Variants in ZNF704 observed in about 807,000 individuals in gnomAD.
ZNF704 encodes glucocorticoid induced gene 1.
In ZNF704, 10 loss-of-function variants were observed where a neutral mutation model predicts 44.7. That is an observed-to-expected ratio of 0.22 (90% CI 0.14 to 0.38). The LOEUF (loss-of-function observed/expected upper bound fraction) is 0.38, where lower values mean the gene tolerates loss of function less well. Among genes scored for constraint, ZNF704 ranks in the 10% least tolerant of loss-of-function variants. The pLI is 1.00. For missense variants in ZNF704, 390 were observed against 545.5 expected, an observed-to-expected ratio of 0.71 and a Z score of 2.84; for synonymous variants, 211 against 207.6, an observed-to-expected ratio of 1.02 and a Z score of -0.14.
At chr8:80,854,210 ATG>A (rs1485952563) in intron 1 of ZNF704, among the ~76,000 whole-genome samples, 1 of 152,242 alleles carries the variant, frequency 6.6e-6, no homozygotes, top group African/African-American at 2.4e-5. Context: ...TGCTGTCATG[ATG>A]TCCAAGGATA....
chr8:80,636,846 A>T lies in ZNF704; in HGVS notation c.*4520T>A, dbSNP rs982630262. The T allele has an allele frequency of 2.0e-5, 3 of 152,256 alleles. No homozygotes were observed. Among genetic ancestry groups the T allele is most frequent in the Non-Finnish European group, 4.4e-5 (3 of 68,046 alleles). The allele number at this position is 152,256 out of a possible 1,614,324, so 9.4% of individuals were successfully genotyped here. A position where few individuals can be genotyped will look rare whatever the true frequency, so the allele number is the denominator to read the frequency against. On this transcript the variant is annotated 3_prime_UTR_variant, in exon 9 of 9. Transcript: ENST00000327835. ...CATGAGAAAAAGCAGCACCTTGTCC[A>T]CAAAAGTCCATGGAAGTTTGTTCGC...
chr8:80,771,962 C>T (rs1807328302), intron 2 of ZNF704, among the ~76,000 whole-genome samples: 1 of 152,100 alleles, frequency 6.6e-6, no homozygotes, highest in African/African-American at 2.4e-5. Flanking sequence ...CTTCTTTAGC[C>T]TATTAATGTG....
intron 3 of ZNF704, among the ~76,000 whole-genome samples, chr8:80,691,197 C>G (rs1005549430): frequency 2.0e-5 from 3 of 152,184 alleles, no homozygotes. Flanking sequence ...TTTAACACCT[C>G]ATGCTTAAAA....
chr8:80,710,292 C>G (rs1818963983), intron 2 of ZNF704, among the ~76,000 whole-genome samples: 1 of 152,148 alleles, frequency 6.6e-6, no homozygotes, highest in African/African-American at 2.4e-5. Context: ...CATCATGCAG[C>G]ATTCCCTATT....
chr8:80,712,758 T>C (rs1204071096), intron 2 of ZNF704, among the ~76,000 whole-genome samples: 2 of 151,890 alleles, frequency 1.3e-5, no homozygotes, highest in African/African-American at 4.8e-5. Context: ...GATCGTGCCA[T>C]TGCACTCCAG....
At chr8:80,661,879 A>G (rs1818107432) in intron 6 of ZNF704, among the ~76,000 whole-genome samples, 1 of 152,182 alleles carries the variant, frequency 6.6e-6, no homozygotes, top group Admixed American at 6.5e-5. Context: ...GTTTGATAGC[A>G]GAGTAGGATG....
chr8:80,818,750 A>C (rs1230909572), intron 2 of ZNF704, among the ~76,000 whole-genome samples: 1 of 152,180 alleles, frequency 6.6e-6, no homozygotes, highest in Non-Finnish European at 1.5e-5. Context: ...CTCTAGATTT[A>C]CTCAAAGTTC....
rs572608096 is a variant in ZNF704 at position 80,853,753 on chromosome 8, G to A, written c.-22+20818C>T. Among the ~76,000 whole-genome samples the A allele has an allele frequency of 3.9e-5, 6 of 152,074 alleles. No homozygotes were observed. In the South Asian group the frequency reaches 6.2e-4, roughly 16 times the overall value. On this transcript the variant is annotated intron_variant, in intron 1 of 8. Transcript: ENST00000327835. The stretch of plus-strand genomic sequence containing the variant: ...CTATTCATTGAAACATTTATCAAGC[G>A]CTTACTCCTAAACAAGTATTTTTAT...
At chr8:80,826,860 A>G (rs1159834336) in intron 1 of ZNF704, among the ~76,000 whole-genome samples, 3 of 152,182 alleles carry the variant, frequency 2.0e-5, no homozygotes, top group Admixed American at 2.0e-4. Flanking sequence ...AAAGGCCTTT[A>G]ACAAAATTCA....
intron 5 of ZNF704, 116 bp from the exon 6 acceptor site, chr8:80,665,198 G>A (rs144287491): frequency 7.0e-5 from 81 of 1,159,568 alleles, no homozygotes; most frequent in Non-Finnish European, 9.5e-5. Context: ...TGTTTGCCTT[G>A]CAAACTCTTC....
At chr8:80,808,527 T>G (rs1317263276) in intron 2 of ZNF704, among the ~76,000 whole-genome samples, 1 of 152,212 alleles carries the variant, frequency 6.6e-6, no homozygotes, top group Non-Finnish European at 1.5e-5. Flanking sequence ...GAGAAACTTG[T>G]TAGTCCGGAA....
chr8:80,797,498 T>C (rs904944023), intron 2 of ZNF704, among the ~76,000 whole-genome samples: 6 of 150,646 alleles, frequency 4.0e-5, no homozygotes, highest in African/African-American at 1.5e-4. Context: ...TAACATCATA[T>C]GTATGCCTCC....
At chr8:80,744,722 A>C (rs550067672) in intron 2 of ZNF704, among the ~76,000 whole-genome samples, 4 of 152,206 alleles carry the variant, frequency 2.6e-5, no homozygotes, top group African/African-American at 9.6e-5. Flanking sequence ...AATGTGCTTA[A>C]CTAATGGACC....
At chr8:80,833,115 A>G (rs1808496569) in intron 1 of ZNF704, among the ~76,000 whole-genome samples, 1 of 152,246 alleles carries the variant, frequency 6.6e-6, no homozygotes, top group Non-Finnish European at 1.5e-5. Flanking sequence ...TGGGAGGTCA[A>G]GGCGGGTGGA....
At chr8:80,762,023 T>C (rs1166245760) in intron 2 of ZNF704, among the ~76,000 whole-genome samples, 1 of 152,226 alleles carries the variant, frequency 6.6e-6, no homozygotes, top group African/African-American at 2.4e-5. Flanking sequence ...CTTCATTTAC[T>C]GAGGAAGTTT....
chr8:80,871,278 C>A (rs1165209684), intron 1 of ZNF704, among the ~76,000 whole-genome samples: 1 of 152,192 alleles, frequency 6.6e-6, no homozygotes, highest in African/African-American at 2.4e-5. Context: ...GCCCACCAGG[C>A]TCTCTTTGCA....
intron 2 of ZNF704, among the ~76,000 whole-genome samples, chr8:80,739,865 G>A (rs903994200): frequency 6.6e-6 from 1 of 152,148 alleles, no homozygotes; most frequent in African/African-American, 2.4e-5. Context: ...ATCACTGGAA[G>A]GCCCACTGCC....
intron 2 of ZNF704, among the ~76,000 whole-genome samples, chr8:80,819,223 A>G (rs1255292734): frequency 1.3e-5 from 2 of 152,132 alleles, no homozygotes; most frequent in African/African-American, 4.8e-5. Context: ...GAACCTCACA[A>G]TAACACTGGC....
At chr8:80,652,528 T>C (rs1817940720) in intron 7 of ZNF704, among the ~76,000 whole-genome samples, 1 of 152,134 alleles carries the variant, frequency 6.6e-6, no homozygotes, top group South Asian at 2.1e-4. Flanking sequence ...CATCAGAGAA[T>C]ACTATAAACA....
Sources: gnomAD v4.1 joint callset for allele counts (sites outside exome capture counted in the v4.1 genomes callset) on GRCh38, gnomAD v4.1.1 for gene constraint, MANE v1.5 for transcripts, NCBI Gene and HGNC (gene_info 2026-07-23, HGNC 2026-07-21) for gene names.